The following BTNL8 variants were observed in gnomAD, a reference collection of about 807,000 sequenced individuals.
BTNL8 encodes the protein butyrophilin-like protein 8.
Under a neutral mutation model 36.1 loss-of-function variants are expected in BTNL8, and 22 were observed. The ratio of observed to expected loss-of-function variants is 0.61; its 90% CI spans 0.44 to 0.87. The LOEUF (loss-of-function observed/expected upper bound fraction) is 0.87. Ranked by LOEUF, BTNL8 falls within the 40% of genes least tolerant of loss-of-function variation. The pLI, the probability that BTNL8 is intolerant of heterozygous loss-of-function variation, is 0.00. For synonymous variants in BTNL8, 203 were observed against 235.6 expected, an observed-to-expected ratio of 0.86 and a Z score of 1.27; for missense variants, 526 against 616.9, an observed-to-expected ratio of 0.85 and a Z score of 1.56.
At chr5:180,899,429 T>C in intron 1 of BTNL8, 70 bp downstream of exon 1, 1 of 1,507,786 alleles carries the variant, frequency 6.6e-7, no homozygotes, top group South Asian at 1.1e-5. Context: ...GGTTGCAGCA[T>C]AATGGAATGA....
chr5:180,941,364 A>C (rs1758943927), intron 3 of BTNL8, among the ~76,000 whole-genome samples: 1 of 152,212 alleles, frequency 6.6e-6, no homozygotes, highest in South Asian at 2.1e-4. Context: ...GGATTCTATT[A>C]AACTTTTAAA....
intron 3 of BTNL8, chr5:180,945,629 C>A: frequency 4.1e-6 from 1 of 242,194 alleles, no homozygotes; most frequent in Admixed American, 3.9e-5. Flanking sequence ...AAACAAATAA[C>A]CTGATCTTAA....
At chr5:180,900,952 C>T (rs1010821900) in intron 1 of BTNL8, among the ~76,000 whole-genome samples, 1 of 152,200 alleles carries the variant, frequency 6.6e-6, no homozygotes, top group Admixed American at 6.5e-5. Flanking sequence ...TAAGTAGGTT[C>T]CAAGGGTGGC....
At chr5:180,910,636 T>C (rs182709986) in intron 2 of BTNL8, among the ~76,000 whole-genome samples, 9 of 152,332 alleles carry the variant, frequency 5.9e-5, no homozygotes, top group Admixed American at 5.9e-4. Context: ...CTTTCTCTAA[T>C]AAATCTGCCT....
At chr5:180,907,637 TC>T (rs1757147592) in intron 1 of BTNL8, among the ~76,000 whole-genome samples, 1 of 150,964 alleles carries the variant, frequency 6.6e-6, no homozygotes, top group African/African-American at 2.5e-5. Context: ...TTCTGTTTTT[TC>T]CCCATCTTTG....
chr5:180,940,534 AG>A (rs1312026343), intron 3 of BTNL8, among the ~76,000 whole-genome samples: 1 of 152,156 alleles, frequency 6.6e-6, no homozygotes, highest in Admixed American at 6.5e-5. Context: ...ATTTTGTAGA[AG>A]GAAATAAATA....
chr5:180,941,322 A>G (rs547864058), intron 3 of BTNL8, among the ~76,000 whole-genome samples: 1 of 152,282 alleles, frequency 6.6e-6, no homozygotes, highest in East Asian at 1.9e-4. Flanking sequence ...ATCCCAACAA[A>G]CAAAAGCCCA....
At chr5:180,926,137 T>C (rs1158498793) in intron 3 of BTNL8, among the ~76,000 whole-genome samples, 2 of 152,088 alleles carry the variant, frequency 1.3e-5, no homozygotes, top group Non-Finnish European at 2.9e-5. Context: ...GCTCATCTCA[T>C]TGGGACTGGT....
rs1758597762 is a variant in BTNL8, at chr5:180,935,339, T to C, written c.674-12173T>C. 6.6e-6 allele frequency among the ~76,000 whole-genome samples: 1 copy of C among 152,210 alleles called. No homozygotes were observed. The highest frequency in any genetic ancestry group is 2.4e-5 in the African/African-American group (1 of 41,466). On this transcript the variant is annotated intron_variant, in intron 3 of 7. Transcript: ENST00000340184. The surrounding 1 kb of genome is among the most constrained non-coding windows in gnomAD (Gnocchi z 4.8). ...CCATCCATGGTACCTGGGCTGTTCA[T>C]GCTGAGTTGGACCTGCAGACCTGTG...
intron 3 of BTNL8, among the ~76,000 whole-genome samples, chr5:180,943,432 G>C (rs888735032): frequency 1.2e-4 from 19 of 152,046 alleles, no homozygotes; most frequent in South Asian, 2.1e-4. Flanking sequence ...GCCTGGCCAG[G>C]ATGATAGACC....
intron 3 of BTNL8, among the ~76,000 whole-genome samples, chr5:180,912,546 A>G (rs910509357): frequency 4.6e-5 from 7 of 152,084 alleles, no homozygotes; most frequent in Non-Finnish European, 8.8e-5. Flanking sequence ...TTTTAGGGAT[A>G]ACTTTTCAGT....
Position 180,936,610 on chromosome 5 carries a change from T to C in BTNL8, c.674-10902T>C, listed in dbSNP as rs150200536. Among the ~76,000 whole-genome samples the C allele has an allele frequency of 4.4e-3, 663 of 152,340 alleles. 6 individuals are homozygous for C. The highest frequency in any genetic ancestry group is 0.015 in the African/African-American group (620 of 41,584). The stretch of plus-strand genomic sequence containing the variant: ...AACACAAGCAAATGGAAAACTATCC[T>C]GTGTTCATAATTGGAAGAATTAATA... On this transcript the variant is annotated intron_variant, in intron 3 of 7. Coordinates refer to ENST00000340184, the MANE Select transcript of BTNL8 (RefSeq NM_001040462.3).
intron 1 of BTNL8, among the ~76,000 whole-genome samples, chr5:180,908,164 C>T (rs1168131933): frequency 2.6e-5 from 4 of 152,174 alleles, no homozygotes; most frequent in Non-Finnish European, 5.9e-5. Context: ...ATCAGCGAGA[C>T]TCTGTGGTCA....
chr5:180,908,660 C>T lies in BTNL8; in HGVS notation c.124C>T (p.Leu42=). 5 of 1,614,224 alleles carry T rather than the reference C, an allele frequency of 3.1e-6. No individual in the cohort carries two copies. The highest frequency in any genetic ancestry group is 1.7e-5 in the Admixed American group (1 of 60,026). ...VGEDAAFSCF[L]SPKTNAEAME... ...GGAGGACGCAGCATTCTCCTGTTTC[C>T]TGTCTCCTAAGACCAATGCAGAGGC... The change falls in exon 2 of 8, where the codon CTG becomes TTG. Residue 42 remains leucine (L), a synonymous_variant. Coordinates refer to ENST00000340184, the MANE Select transcript of BTNL8 (RefSeq NM_001040462.3).
intron 1 of BTNL8, chr5:180,902,345 G>A: frequency 6.5e-7 from 1 of 1,549,736 alleles, no homozygotes; most frequent in Non-Finnish European, 8.7e-7. Context: ...CATTTCTGCA[G>A]GTGCTCCTCA....
intron 3 of BTNL8, among the ~76,000 whole-genome samples, chr5:180,936,193 G>A (rs767836768): frequency 5.9e-5 from 9 of 152,046 alleles, no homozygotes; most frequent in Non-Finnish European, 1.0e-4. Context: ...ACAGGCGTGA[G>A]CCACCGCCCC....
rs1370789517 is a variant in BTNL8, at chr5:180,935,807, C to A, written c.674-11705C>A. Reference sequence around the variant, plus strand: ...TCCCCTGCTGCAGCCAGCATCTTCACAGCAACTGCTCCAGACAGGCTGCCA... The same window carrying A: ...TCCCCTGCTGCAGCCAGCATCTTCAAAGCAACTGCTCCAGACAGGCTGCCA... On this transcript the variant is annotated intron_variant, in intron 3 of 7. Transcript: ENST00000340184. The surrounding 1 kb of genome is among the most constrained non-coding windows in gnomAD (Gnocchi z 4.8). 1.3e-5 allele frequency among the ~76,000 whole-genome samples: 2 copies of A among 151,988 alleles called. No individual in the cohort carries two copies. The highest frequency in any genetic ancestry group is 4.8e-5 in the African/African-American group (2 of 41,412).
intron 1 of BTNL8, among the ~76,000 whole-genome samples, chr5:180,907,748 T>G (rs568020443): frequency 9.2e-5 from 14 of 152,242 alleles, no homozygotes; most frequent in South Asian, 2.1e-4. Context: ...GAGAGGACCC[T>G]CAGCTGCAGG....
At chr5:180,941,871 A>G (rs898223835) in intron 3 of BTNL8, among the ~76,000 whole-genome samples, 1 of 75,636 alleles carries the variant, frequency 1.3e-5, no homozygotes, top group African/African-American at 7.4e-5. Flanking sequence ...AAGCTTTTCA[A>G]TAAGAACTGG....
Sources: allele counts gnomAD v4.1 joint callset (sites outside exome capture counted in the v4.1 genomes callset), GRCh38; gene constraint gnomAD v4.1.1; non-coding constraint Gnocchi (gnomAD v3.1); transcripts MANE v1.5; gene names NCBI Gene and HGNC (gene_info 2026-07-23, HGNC 2026-07-21).